Variants in PBX1 observed in about 807,000 individuals in gnomAD.
PBX1 encodes the protein PBX homeobox 1.
Under a neutral mutation model 53.4 loss-of-function variants are expected in PBX1, and 6 were observed. That is an observed-to-expected ratio of 0.11 (90% CI 0.06 to 0.22). The LOEUF is 0.22. PBX1 is among the 10% of genes least tolerant of loss of function. The pLI is 1.00. For synonymous variants in PBX1, 204 were observed against 212.3 expected, an observed-to-expected ratio of 0.96 and a Z score of 0.34; for missense variants, 251 against 551.4, an observed-to-expected ratio of 0.46 and a Z score of 5.46.
chr1:164,631,750 T>C lies in PBX1; in HGVS notation c.265+68439T>C, dbSNP rs561691871. On this transcript the variant is annotated intron_variant, in intron 2 of 8. Transcript: ENST00000420696. ...TACAGCAATTAATGTGCATATGAAA[T>C]CCGTAAGATAAATCAGCTATTGTAG... Among the ~76,000 whole-genome samples the C allele has an allele frequency of 3.3e-5, 5 of 152,314 alleles. No homozygotes were observed. In the South Asian group the frequency reaches 1.0e-3, roughly 32 times the overall value.
chr1:164,623,237 A>G (rs1657810779), intron 2 of PBX1, among the ~76,000 whole-genome samples: 1 of 152,152 alleles, frequency 6.6e-6, no homozygotes, highest in African/African-American at 2.4e-5. Context: ...CGGTGTATAT[A>G]GATAGATAGA....
Position 164,708,869 on chromosome 1 carries a change from A to G in PBX1, c.266-83625A>G, listed in dbSNP as rs552636951. Among the ~76,000 whole-genome samples, 70 of 152,342 alleles carry G rather than the reference A, an allele frequency of 4.6e-4. 2 individuals carry two copies. The South Asian group carries it at 0.012, about 27-fold the overall frequency. On this transcript the variant is annotated intron_variant, in intron 2 of 8. Coordinates refer to ENST00000420696, the MANE Select transcript of PBX1 (RefSeq NM_002585.4). ...ATCTCCAAAATACTTGGCCTTGAAC[A>G]CCCATTTGAGCAGGTTTGCACTGAA... is the stretch of plus-strand genomic sequence containing the variant.
intron 2 of PBX1, among the ~76,000 whole-genome samples, chr1:164,670,334 A>G (rs1164320054): frequency 2.0e-5 from 3 of 152,182 alleles, no homozygotes; most frequent in Non-Finnish European, 4.4e-5. Context: ...TTCCCCACTC[A>G]ATCCCTTTCC....
rs542648262 is a variant in PBX1, at chr1:164,800,401, G to A, written c.701+512G>A. Reference sequence around the variant, plus strand: ...GAGCTGAATAAGACATGGCACTTTGGACACAGAGGGACAAGGAGGTGGTCT... The same window carrying A: ...GAGCTGAATAAGACATGGCACTTTGAACACAGAGGGACAAGGAGGTGGTCT... On this transcript the variant is annotated intron_variant, in intron 4 of 8. Coordinates refer to ENST00000420696, the MANE Select transcript of PBX1 (RefSeq NM_002585.4). Among the ~76,000 whole-genome samples, 27 of 152,314 alleles carry A rather than the reference G, an allele frequency of 1.8e-4. No individual in the cohort carries two copies. The South Asian group carries it at 4.2e-3, about 23-fold the overall frequency.
chr1:164,694,748 G>A (rs1011418963), intron 2 of PBX1, among the ~76,000 whole-genome samples: 1 of 152,106 alleles, frequency 6.6e-6, no homozygotes, highest in Non-Finnish European at 1.5e-5. Context: ...TAGCCAATTT[G>A]TGTTGATACT....
At chr1:164,834,704 G>A (rs1021635227) in intron 8 of PBX1, among the ~76,000 whole-genome samples, 1 of 152,182 alleles carries the variant, frequency 6.6e-6, no homozygotes, top group Non-Finnish European at 1.5e-5. Context: ...GGTTATTGTT[G>A]TATTTTGAAA....
intron 8 of PBX1, among the ~76,000 whole-genome samples, chr1:164,823,286 G>T (rs1670252351): frequency 6.6e-6 from 1 of 152,122 alleles, no homozygotes; most frequent in Non-Finnish European, 1.5e-5. Flanking sequence ...GCCATTGTGG[G>T]AAAGTGTATT....
rs141956403 is a variant in PBX1 at position 164,843,542 on chromosome 1, T to C, written c.1201-3042T>C. Reference sequence around the variant, plus strand: ...GTGTGTGTATCTGTGTGCATATTTATGGTTGGAGGGGGAGTGGAAAAAAGG... The same window carrying C: ...GTGTGTGTATCTGTGTGCATATTTACGGTTGGAGGGGGAGTGGAAAAAAGG... On this transcript the variant is annotated intron_variant, in intron 8 of 8. Coordinates refer to ENST00000420696, the MANE Select transcript of PBX1 (RefSeq NM_002585.4). Among the ~76,000 whole-genome samples the C allele has an allele frequency of 5.8e-4, 89 of 152,218 alleles. No individual in the cohort carries two copies. In the East Asian group the frequency reaches 0.016, roughly 27 times the overall value.
At chr1:164,741,009 G>A (rs771202667) in intron 2 of PBX1, among the ~76,000 whole-genome samples, 1 of 152,204 alleles carries the variant, frequency 6.6e-6, no homozygotes, top group African/African-American at 2.4e-5. Context: ...ATTTATGTCT[G>A]TGTGAATGCT....
chr1:164,784,756 A>G (rs975360653), intron 2 of PBX1, among the ~76,000 whole-genome samples: 1 of 152,222 alleles, frequency 6.6e-6, no homozygotes, highest in Non-Finnish European at 1.5e-5. Flanking sequence ...TAAATGCTCA[A>G]TAAATATTCC....
chr1:164,854,711 A>C (rs1671940245), downstream of PBX1, among the ~76,000 whole-genome samples: 1 of 152,070 alleles, frequency 6.6e-6, no homozygotes, highest in East Asian at 1.9e-4. Flanking sequence ...AAAGGGTTAT[A>C]GCAGTGGCAT....
At chr1:164,876,448 A>G (rs1672512716) in intron 2 of PBX1, among the ~76,000 whole-genome samples, 2 of 151,530 alleles carry the variant, frequency 1.3e-5, no homozygotes, top group Non-Finnish European at 2.9e-5. Flanking sequence ...AGAGGGTAGT[A>G]AAAAGGCTCC....
At chr1:164,640,773 G>T (rs1659091247) in intron 2 of PBX1, among the ~76,000 whole-genome samples, 1 of 151,932 alleles carries the variant, frequency 6.6e-6, no homozygotes, top group Admixed American at 6.6e-5. Flanking sequence ...GCCCAGGCTG[G>T]TCTCCAACTC....
At chr1:164,780,349 C>T (rs1000910099) in intron 2 of PBX1, among the ~76,000 whole-genome samples, 1 of 152,156 alleles carries the variant, frequency 6.6e-6, no homozygotes, top group African/African-American at 2.4e-5. Flanking sequence ...ACATTATTTT[C>T]GATAAGTTGC....
chr1:164,693,911 G>T lies in PBX1; in HGVS notation c.266-98583G>T, dbSNP rs1662648038. 2.6e-5 allele frequency among the ~76,000 whole-genome samples: 4 copies of T among 152,076 alleles called. No homozygotes were observed. The South Asian group carries it at 8.3e-4, about 32-fold the overall frequency. On this transcript the variant is annotated intron_variant, in intron 2 of 8. Transcript: ENST00000420696. ...GTTGTGAAAGTGCTCTCCCAGTCTG[G>T]TTCCTTCTATGGGCCATATTCTGTT... is the stretch of plus-strand genomic sequence containing the variant.
In PBX1 at chr1:164,850,731, T is replaced by C; in HGVS notation, c.*4055T>C. ...TCCAGAGAGTGTGACACTCATGCAGTCCCTGAGAAAAATAAAATCAGGGAC... is the reference window on the plus strand; with the variant it reads ...TCCAGAGAGTGTGACACTCATGCAGCCCCTGAGAAAAATAAAATCAGGGAC... On this transcript the variant is annotated 3_prime_UTR_variant, in exon 9 of 9. Transcript: ENST00000420696. The C allele has an allele frequency of 5.0e-6, 1 of 198,746 alleles. No homozygotes were observed. 12.3% of individuals were successfully genotyped at this position (198,746 alleles called of 1,614,324 possible).
chr1:164,798,090 C>T (rs987627038), intron 3 of PBX1, among the ~76,000 whole-genome samples: 1 of 152,124 alleles, frequency 6.6e-6, no homozygotes, highest in Admixed American at 6.5e-5. Flanking sequence ...AGGATGTGCC[C>T]AAATATTCAT....
rs530778063 is a variant in PBX1 at position 164,884,445 on chromosome 1, C to T, written n.258-14743C>T. The stretch of plus-strand genomic sequence containing the variant: ...GGGCGAAAGAAATAAAAACTGAAAT[C>T]GGTCAATTTGACTCTTTGATAGCAG... On this transcript the variant is annotated intron_variant and non_coding_transcript_variant, in intron 2 of 2. Coordinates refer to the PBX1 transcript ENST00000558796. 269 of 358,712 alleles carry T rather than the reference C, an allele frequency of 7.5e-4. 1 individual carries two copies. The highest frequency in any genetic ancestry group is 3.9e-3 in the African/African-American group (180 of 46,030). 22.2% of individuals were successfully genotyped at this position (358,712 alleles called of 1,614,324 possible).
chr1:164,845,465 G>T (rs1422043514), intron 8 of PBX1, among the ~76,000 whole-genome samples: 1 of 152,138 alleles, frequency 6.6e-6, no homozygotes. Context: ...TTTTACCAGG[G>T]ATGTCTCAGA....
Sources: gnomAD v4.1 joint callset for allele counts (sites outside exome capture counted in the v4.1 genomes callset) on GRCh38, gnomAD v4.1.1 for gene constraint, MANE v1.5 for transcripts, NCBI Gene and HGNC (gene_info 2026-07-23, HGNC 2026-07-21) for gene names.